TTN: variants seen among roughly 807,000 people sequenced by gnomAD.
The protein encoded by TTN is titin.
A neutral mutation model predicts 3,223.0 loss-of-function variants in TTN; 1,525 were observed. The ratio of observed to expected loss-of-function variants is 0.47; its 90% CI spans 0.45 to 0.49. TTN has a LOEUF of 0.49. TTN is among the 20% of genes least tolerant of loss of function. The probability of loss-of-function intolerance (pLI) is 0.00; values close to 1 mark genes in which losing one functional copy is unlikely to be tolerated. For missense variants in TTN, 40,786 were observed against 43,424.0 expected (o/e 0.94, Z 5.40); for synonymous variants, 14,094 against 15,161.0 (o/e 0.93, Z 5.17).
In TTN at chr2:178,573,302, A is replaced by AGAG; in HGVS notation, c.72827_72829dup (p.Thr24276_Leu24277insPro). 1 of 1,580,922 alleles carries AGAG rather than the reference A, an allele frequency of 6.3e-7. No homozygotes were observed. The highest frequency in any genetic ancestry group is 8.6e-7 in the Non-Finnish European group (1 of 1,163,428). ...AGACACTTTATATCTTAAATCAGTAAGAGTTTTTTTGTTGCATTTAATCCA... is the reference window on the plus strand; with the variant it reads ...AGACACTTTATATCTTAAATCAGTAAGAGGAGTTTTTTTGTTGCATTTAATCCA... On this transcript the variant is annotated inframe_insertion, in exon 326 of 363. Transcript: ENST00000589042.
In TTN at chr2:178,612,418, T is replaced by C. The variant is rs778518712; in HGVS notation, c.50107A>G (p.Thr16703Ala). 1 of 1,612,558 alleles carries C rather than the reference T, an allele frequency of 6.2e-7. No homozygotes were observed. The highest frequency in any genetic ancestry group is 8.5e-7 in the Non-Finnish European group (1 of 1,179,216). The part of the protein sequence containing the change: ...VRRKGWQTVD[T>A]TVKDTKCTVT... ...GTGCACTTGGTGTCCTTGACAGTGG[T>C]ATCCACTGTTTGCCAGCCTTTTCGC... The change falls in exon 266 of 363, where the codon ACC becomes GCC. Residue 16703 changes from threonine to alanine, a missense_variant. Thr to Ala is a moderately conservative substitution (Grantham distance 58, BLOSUM62 0). Transcript: ENST00000589042.
At chr2:178,545,760 T>G (rs1696788716) in intron 343 of TTN, 60 bp downstream of exon 343, 2 of 1,598,252 alleles carry the variant, frequency 1.3e-6, no homozygotes, top group Non-Finnish European at 1.7e-6. Flanking sequence ...CCCTTCTCCC[T>G]TCTCCCCCTG....
In TTN at chr2:178,757,566, C is replaced by G. The variant is rs774004409; in HGVS notation, c.10654G>C (p.Ala3552Pro). The G allele has an allele frequency of 8.6e-5, 136 of 1,589,316 alleles. No homozygotes were observed. Among genetic ancestry groups the G allele is most frequent in the Non-Finnish European group, 1.1e-4 (131 of 1,165,194 alleles). Residue 3552 changes from alanine to proline, a missense_variant, in exon 45 of 363, where the codon GCT becomes CCT. Coordinates refer to ENST00000589042, the MANE Select transcript of TTN (RefSeq NM_001267550.2). ...ANSAGEATCAATLTVTPKVQA... is the reference protein window; with the variant it reads ...ANSAGEATCAPTLTVTPKVQA... ...CCTTTTGGAGTCACTGTGAGTGTAG[C>G]TGCACAAGTGGCTTCCCCAGCACTA...
At chr2:178,800,834 G>C (rs991860094) in intron 3 of TTN, 152 bp from the exon 4 acceptor site, 2 of 785,504 alleles carry the variant, frequency 2.5e-6, no homozygotes, top group Non-Finnish European at 3.8e-6. Flanking sequence ...ACCCAGCAAT[G>C]ACAGCAAGAA....
chr2:178,544,357 G>A lies in TTN; in HGVS notation c.95872C>T (p.Arg31958Ter), dbSNP rs2154144218. Residue 31958 changes from arginine to a stop codon, truncating the protein, a stop_gained, in exon 345 of 363, where the codon CGA becomes TGA. Coordinates refer to ENST00000589042, the MANE Select transcript of TTN (RefSeq NM_001267550.2). LOFTEE classifies it high-confidence loss of function. ...CTTATTGTGGCATTGGTATGCACTC[G>A]GTACCACTGATCAGTGTCCTTCTCT... ...MQEKDTDQWYRVHTNATIRNT... is the reference protein window; with the variant it reads ...MQEKDTDQWY 6.2e-7 allele frequency: 1 copy of A among 1,613,634 alleles called. No homozygotes were observed. The highest frequency in any genetic ancestry group is 8.5e-7 in the Non-Finnish European group (1 of 1,179,716).
intron 7 of TTN, 114 bp from the exon 8 acceptor site, chr2:178,794,665 A>G: frequency 7.7e-7 from 1 of 1,298,964 alleles, no homozygotes; most frequent in Non-Finnish European, 1.1e-6. Flanking sequence ...ATACATAAGC[A>G]TTTATTATTG....
chr2:178,800,324 G>T (rs1171664975), intron 4 of TTN, 71 bp downstream of exon 4: 1 of 1,595,128 alleles, frequency 6.3e-7, no homozygotes, highest in South Asian at 1.1e-5. Context: ...GTGGCAAGTG[G>T]ACGCTTGGCC....
chr2:178,573,928 T>C lies in TTN; in HGVS notation c.72204A>G (p.Lys24068=), dbSNP rs761397182. 4 of 1,613,208 alleles carry C rather than the reference T, an allele frequency of 2.5e-6. No individual in the cohort carries two copies. The highest frequency in any genetic ancestry group is 3.4e-6 in the Non-Finnish European group (4 of 1,179,458). ...PPTMEWSKDG[K]ELEGTAKLEI... is the part of the protein sequence containing the mutation. ...CTAACTTTGCTGTGCCTTCCAGCTC[T>C]TTTCCATCTTTGCTCCATTCCATTG... The change falls in exon 326 of 363, where the codon AAA becomes AAG. Residue 24068 remains lysine, a synonymous_variant. Transcript: ENST00000589042.
In TTN at chr2:178,698,855, T is replaced by C. The variant is rs376923242; in HGVS notation, c.30742A>G (p.Thr10248Ala). Residue 10248 changes from threonine (T) to alanine (A), a missense_variant, in exon 112 of 363, where the codon ACA becomes GCA. By Grantham distance (58) the Thr-to-Ala change is moderately conservative. Transcript: ENST00000589042. ...KKVVAKPKEMTPREEIVKKPP... is the reference protein window; with the variant it reads ...KKVVAKPKEMAPREEIVKKPP... ...TTAATTATAATACCTTCACGTGGTG[T>C]CATCTCTTTGGGCTTTGCAACAACT... The C allele has an allele frequency of 1.9e-6, 3 of 1,542,924 alleles. No homozygotes were observed. The African/African-American group carries it at 4.1e-5, about 21-fold the overall frequency.
chr2:178,758,518 A>G (rs1169067529), intron 44 of TTN, among the ~76,000 whole-genome samples: 3 of 152,208 alleles, frequency 2.0e-5, no homozygotes, highest in Non-Finnish European at 2.9e-5. Context: ...CATTCTTGAG[A>G]GGAGGATGAA....
chr2:178,746,375 C>T, intron 47 of TTN: 2 of 1,610,874 alleles, frequency 1.2e-6, no homozygotes, highest in Non-Finnish European at 1.7e-6. Flanking sequence ...CACAATCATA[C>T]TTTTATGGTC....
intron 242 of TTN, 45 bp downstream of exon 242, chr2:178,624,420 T>C: frequency 3.1e-6 from 5 of 1,606,452 alleles, no homozygotes; most frequent in Non-Finnish European, 4.2e-6. Context: ...GTTGTAGTTA[T>C]TAAAGAATTG....
Position 178,714,304 on chromosome 2 carries a change from G to A in TTN, c.26470C>T (p.Leu8824=), listed in dbSNP as rs1322441627. Residue 8824 remains leucine, a synonymous_variant, in exon 91 of 363, where the codon CTA becomes TTA. Transcript: ENST00000589042. ...TCTTTTTACTAACCGAGAACGGATA[G>A]CGTGGCGAAGCACTCTTGCATCCCA... ...DAGMQECFAT[L]SVLEPATIVE... 6.2e-7 allele frequency: 1 copy of A among 1,612,504 alleles called. No individual in the cohort carries two copies. Among genetic ancestry groups the A allele is most frequent in the Non-Finnish European group, 8.5e-7 (1 of 1,178,750 alleles).
At chr2:178,646,828 T>C (rs1018644986) in intron 215 of TTN, among the ~76,000 whole-genome samples, 1 of 152,020 alleles carries the variant, frequency 6.6e-6, no homozygotes, top group Admixed American at 6.6e-5. Context: ...AGGCAATTAT[T>C]CCATTTTGCT....
Position 178,678,106 on chromosome 2 carries a change from C to T in TTN, c.33994+19G>A. 6.2e-7 allele frequency: 1 copy of T among 1,603,398 alleles called. No individual in the cohort carries two copies. Among genetic ancestry groups the T allele is most frequent in the Non-Finnish European group, 8.5e-7 (1 of 1,176,864 alleles). ...GTTAGTTTTGTCTTTTACCATGGCT[C>T]TGTTACAGATTAATGTACCTTTGGG... On this transcript the variant is annotated intron_variant, in intron 145 of 362. Transcript: ENST00000589042.
Position 178,774,375 on chromosome 2 carries a change from CTTCTATATTTTCT to C in TTN, c.6876_6888del (p.Ile2295GlyfsTer30). On this transcript the variant is annotated frameshift_variant, in exon 30 of 363. Coordinates refer to ENST00000589042, the MANE Select transcript of TTN (RefSeq NM_001267550.2). LOFTEE classifies it high-confidence loss of function. ...TCCACATCATTATGATACCATTTTC[CTTCTATATTTTCT>C]GGGGATACAATGCACTCTAATTCTC... 1 of 1,613,972 alleles carries C rather than the reference CTTCTATATTTTCT, an allele frequency of 6.2e-7. No individual in the cohort carries two copies. The highest frequency in any genetic ancestry group is 8.5e-7 in the Non-Finnish European group (1 of 1,179,936).
At position 178,720,399 on chromosome 2, in the gene TTN, G is replaced by A. The variant is rs749160569; in HGVS notation, c.23363C>T (p.Ser7788Phe). The change falls in exon 80 of 363, where the codon TCT becomes TTT. Residue 7788 changes from serine (S) to phenylalanine (F), a missense_variant. By Grantham distance (155) the Ser-to-Phe change is radical. Transcript: ENST00000589042. The stretch of plus-strand genomic sequence containing the variant: ...TGTATACAAACCTTTGAACTTGACA[G>A]AGCAAGAACACGTGTCACTTCCCAC... ...NEVGSDTCSC[S>F]VKFKEPPRFV... 10 of 1,612,354 alleles carry A rather than the reference G, an allele frequency of 6.2e-6. No homozygotes were observed. In the Admixed American group the frequency reaches 1.5e-4, roughly 24 times the overall value.
Position 178,756,177 on chromosome 2 carries a change from C to T in TTN, c.11254+45G>A, listed in dbSNP as rs117104447. 6.8e-4 allele frequency: 953 copies of T among 1,394,064 alleles called. 8 individuals are homozygous for T. The highest frequency in any genetic ancestry group is 6.7e-3 in the East Asian group (292 of 43,430). 86.4% of individuals were successfully genotyped at this position (1,394,064 alleles called of 1,614,324 possible). ...TGCATGGCAGAAAAGCTGCATAAAG[C>T]GATGAGGATGAAATGAAGCAAGTCA... On this transcript the variant is annotated intron_variant, in intron 46 of 362. Coordinates refer to ENST00000589042, the MANE Select transcript of TTN (RefSeq NM_001267550.2).
chr2:178,739,176 G>T lies in TTN; in HGVS notation c.14057C>A (p.Thr4686Lys). The T allele has an allele frequency of 2.6e-6, 4 of 1,516,766 alleles. No homozygotes were observed. Among genetic ancestry groups the T allele is most frequent in the Non-Finnish European group, 3.5e-6 (4 of 1,134,006 alleles). 94.0% of individuals were successfully genotyped at this position (1,516,766 alleles called of 1,614,324 possible). Residue 4686 changes from threonine to lysine, a missense_variant, in exon 48 of 363, where the codon ACA becomes AAA. Physicochemically the swap from Thr to Lys is moderately conservative, Grantham distance 78 (BLOSUM62 -1). Transcript: ENST00000589042. ...TACAGTGAGTTTGGCTGAAGTTGCT[G>T]TTTTTCCGCTGTCATTCAAGGCCTC... ...VCEALNDSGKTATSAKLTVVK... is the reference protein window; with the variant it reads ...VCEALNDSGKKATSAKLTVVK...
Sources: allele counts gnomAD v4.1 joint callset (sites outside exome capture counted in the v4.1 genomes callset), GRCh38; gene constraint gnomAD v4.1.1; transcripts MANE v1.5; gene names NCBI Gene and HGNC (gene_info 2026-07-23, HGNC 2026-07-21).